R3HDM4: variants seen among roughly 807,000 people sequenced by gnomAD.
R3HDM4 encodes the protein R3H domain containing 4.
R3HDM4 carries 30 observed loss-of-function variants against 31.3 expected under a neutral mutation model. That is an observed-to-expected ratio of 0.96 (90% confidence interval 0.72 to 1.30). R3HDM4 has a LOEUF of 1.30. Ranked by LOEUF, R3HDM4 falls within the 50% of genes most tolerant of loss-of-function variation. The probability of loss-of-function intolerance (pLI) is 0.00; values close to 1 mark genes in which losing one functional copy is unlikely to be tolerated. For synonymous variants in R3HDM4, 196 were observed against 156.6 expected, an observed-to-expected ratio of 1.25 and a Z score of -1.88; for missense variants, 444 against 366.1, an observed-to-expected ratio of 1.21 and a Z score of -1.74.
Position 913,120 on chromosome 19 carries a change from G to A in R3HDM4, c.38C>T (p.Ala13Val). The A allele has an allele frequency of 9.3e-7, 1 of 1,081,026 alleles. No homozygotes were observed. The highest frequency in any genetic ancestry group is 1.1e-6 in the Non-Finnish European group (1 of 892,088). The allele number at this position is 1,081,026 out of a possible 1,614,324, so 67.0% of individuals were successfully genotyped here. A position where few individuals can be genotyped will look rare whatever the true frequency, so the allele number is the denominator to read the frequency against. Residue 13 changes from alanine (A) to valine (V), a missense_variant, in exon 1 of 8, where the codon GCG becomes GTG. Ala to Val is a moderately conservative substitution (Grantham distance 64). Transcript: ENST00000361574. The surrounding 1 kb of genome is among the most constrained non-coding windows in gnomAD (Gnocchi z 5.0). Reference protein sequence around the residue: ...ALENPECGPEAAEGTPGGRRL... With the variant: ...ALENPECGPEVAEGTPGGRRL... ...CCGCCCGCCCGGGGTGCCCTCCGCC[G>A]CCTCCGGGCCGCACTCGGGGTTCTC...
At position 897,296 on chromosome 19, in the gene R3HDM4, G is replaced by A. The variant is rs2036751269; in HGVS notation, c.*141C>T. On this transcript the variant is annotated 3_prime_UTR_variant, in exon 8 of 8. Transcript: ENST00000361574. ...TTGACTGCCAAGAGCTGCGTGAGGAGGGGGCAGAGTGAGAGAGACCACCCC... is the reference window on the plus strand; with the variant it reads ...TTGACTGCCAAGAGCTGCGTGAGGAAGGGGCAGAGTGAGAGAGACCACCCC... The A allele has an allele frequency of 3.2e-6, 2 of 617,886 alleles. No individual in the cohort carries two copies. Among genetic ancestry groups the A allele is most frequent in the South Asian group, 2.1e-5 (1 of 47,898 alleles). 38.3% of individuals were successfully genotyped at this position (617,886 alleles called of 1,614,324 possible).
chr19:899,317 A>G lies in R3HDM4; in HGVS notation c.703+123T>C, dbSNP rs1456321228. On this transcript the variant is annotated intron_variant, in intron 7 of 7. Transcript: ENST00000361574. This position sits in a 1 kb window ranked among gnomAD's most constrained non-coding sequence, Gnocchi z 6.8. ...CCACCCCTGAGTTCGTAGCGTCCCC[A>G]CTCCAGCCCCCTTCCCCACCTCCCC... 1.0e-6 allele frequency: 1 copy of G among 989,886 alleles called. No homozygotes were observed. Among genetic ancestry groups the G allele is most frequent in the Non-Finnish European group, 1.6e-6 (1 of 644,156 alleles). 61.3% of individuals were successfully genotyped at this position (989,886 alleles called of 1,614,324 possible).
chr19:901,116 A>T, intron 3 of R3HDM4, 164 bp from the exon 4 acceptor site: 1 of 937,432 alleles, frequency 1.1e-6, no homozygotes, highest in Non-Finnish European at 1.5e-6. Context: ...AGCTGAGCGC[A>T]GGGAAGCGGG....
intron 7 of R3HDM4, 42 bp from the exon 8 acceptor site, chr19:897,582 G>C: frequency 6.6e-7 from 1 of 1,514,342 alleles, no homozygotes; most frequent in Non-Finnish European, 9.0e-7. Flanking sequence ...AGGAATTTGG[G>C]AGCCGCGGCA....
rs962823127 is a variant in R3HDM4 at position 911,343 on chromosome 19, C to G, written c.71+1744G>C. 2.6e-5 allele frequency among the ~76,000 whole-genome samples: 4 copies of G among 152,156 alleles called. No individual in the cohort carries two copies. In the East Asian group the frequency reaches 7.7e-4, roughly 29 times the overall value. On this transcript the variant is annotated intron_variant, in intron 1 of 7. Transcript: ENST00000361574. Reference sequence around the variant, plus strand: ...CCTGTAATCCCAGGTACTGGGGAGGCTGCCGCAGGAGAATCGCTTGAACCC... The same window carrying G: ...CCTGTAATCCCAGGTACTGGGGAGGGTGCCGCAGGAGAATCGCTTGAACCC...
chr19:899,710 A>AGGGAACTGC lies in R3HDM4; in HGVS notation c.562-33_562-25dup. 6.5e-7 allele frequency: 1 copy of AGGGAACTGC among 1,534,982 alleles called. No homozygotes were observed. Among genetic ancestry groups the AGGGAACTGC allele is most frequent in the Non-Finnish European group, 8.8e-7 (1 of 1,140,082 alleles). Reference sequence around the variant, plus strand: ...TCCTGGGGAGAGCGGCCCGGTGGTCAGGGAACTGCGGGACCTGTGGGTGGG... The same window carrying AGGGAACTGC: ...TCCTGGGGAGAGCGGCCCGGTGGTCAGGGAACTGCGGGAACTGCGGGACCTGTGGGTGGG... On this transcript the variant is annotated intron_variant, in intron 5 of 7. Coordinates refer to ENST00000361574, the MANE Select transcript of R3HDM4 (RefSeq NM_138774.4). The surrounding 1 kb of genome is among the most constrained non-coding windows in gnomAD (Gnocchi z 6.8).
At chr19:910,894 C>T (rs753902666) in intron 1 of R3HDM4, among the ~76,000 whole-genome samples, 10 of 151,782 alleles carry the variant, frequency 6.6e-5, no homozygotes, top group Non-Finnish European at 1.0e-4. Context: ...CCAAGGCGGG[C>T]AGATCACAAG....
At chr19:910,845 C>T (rs943657136) in intron 1 of R3HDM4, among the ~76,000 whole-genome samples, 5 of 151,954 alleles carry the variant, frequency 3.3e-5, no homozygotes, top group East Asian at 1.9e-4. Context: ...TACTAGCCGG[C>T]GCGGTGGCTC....
intron 5 of R3HDM4, 43 bp downstream of exon 5, chr19:900,018 A>AT (rs753805069): frequency 3.8e-6 from 6 of 1,581,312 alleles, no homozygotes; most frequent in Non-Finnish European, 4.3e-6. Flanking sequence ...TTCAAAAAAG[A>AT]CCAGGCAGGT....
chr19:898,871 A>T (rs1448105534), intron 7 of R3HDM4, among the ~76,000 whole-genome samples: 1 of 152,126 alleles, frequency 6.6e-6, no homozygotes, highest in Admixed American at 6.5e-5. Context: ...GTTGCCATGG[A>T]AACTGTCACC....
chr19:899,486 C>A lies in R3HDM4; in HGVS notation c.657G>T (p.Arg219Ser). 1 of 1,613,750 alleles carries A rather than the reference C, an allele frequency of 6.2e-7. No homozygotes were observed. Among genetic ancestry groups the A allele is most frequent in the South Asian group, 1.1e-5 (1 of 91,088 alleles). Residue 219 changes from arginine (R) to serine (S), a missense_variant, in exon 7 of 8, where the codon AGG (arginine) becomes AGT (serine). By Grantham distance (110) the Arg-to-Ser change is moderately radical. Transcript: ENST00000361574. This position sits in a 1 kb window ranked among gnomAD's most constrained non-coding sequence, Gnocchi z 6.8. ...YTAMLDNSFE[R>S]LLLHAVCQYM... is the part of the protein sequence containing the mutation. Reference sequence around the variant, plus strand: ...ACTGGCAGACAGCGTGCAGCAGAAGCCTCTCGAAGCTGTGGGGAACGGGCA... The same window carrying A: ...ACTGGCAGACAGCGTGCAGCAGAAGACTCTCGAAGCTGTGGGGAACGGGCA...
In R3HDM4 at chr19:900,837, C is replaced by G. The variant is rs975226454; in HGVS notation, c.467G>C (p.Arg156Pro). ...CCCAGCCAGGCCCGCACCTCTCCTC[C>G]GGTCCTCCCCACGGCCAGGGCCCCT... ...RRRGPGRGED[R>P]RREDPAYTPR... Residue 156 changes from arginine to proline, a missense_variant, in exon 4 of 8, where the codon CGG becomes CCG. Physicochemically the swap from Arg to Pro is moderately radical, Grantham distance 103. Coordinates refer to ENST00000361574, the MANE Select transcript of R3HDM4 (RefSeq NM_138774.4). The G allele has an allele frequency of 3.2e-6, 5 of 1,541,680 alleles. No individual in the cohort carries two copies. In the South Asian group the frequency reaches 4.8e-5, roughly 15 times the overall value.
At chr19:903,734 GACA>G (rs1339642760) in intron 1 of R3HDM4, among the ~76,000 whole-genome samples, 1 of 152,158 alleles carries the variant, frequency 6.6e-6, no homozygotes, top group East Asian at 1.9e-4. Flanking sequence ...CTCCAGCCTG[GACA>G]ACAAGAGCAA....
Position 899,306 on chromosome 19 carries a change from G to C in R3HDM4, c.703+134C>G. The stretch of plus-strand genomic sequence containing the variant: ...GGGTCCCACTGCCACCCCTGAGTTC[G>C]TAGCGTCCCCACTCCAGCCCCCTTC... On this transcript the variant is annotated intron_variant, in intron 7 of 7. Transcript: ENST00000361574. This position sits in a 1 kb window ranked among gnomAD's most constrained non-coding sequence, Gnocchi z 6.8. The C allele has an allele frequency of 1.1e-6, 1 of 882,720 alleles. No homozygotes were observed. Among genetic ancestry groups the C allele is most frequent in the Non-Finnish European group, 1.8e-6 (1 of 555,490 alleles). The allele number at this position is 882,720 out of a possible 1,614,324, so 54.7% of individuals were successfully genotyped here. A position where few individuals can be genotyped will look rare whatever the true frequency, so the allele number is the denominator to read the frequency against.
rs765037822 is a variant in R3HDM4 at position 901,959 on chromosome 19, T to TC, written c.226+16dup. ...GGCCCAGGAGCCCCCAGGAGGCGCC[T>TC]CCCGACCCCTGCTCACTGTTCTCCA... On this transcript the variant is annotated intron_variant, in intron 2 of 7. Coordinates refer to ENST00000361574, the MANE Select transcript of R3HDM4 (RefSeq NM_138774.4). 1 of 1,613,004 alleles carries TC rather than the reference T, an allele frequency of 6.2e-7. No homozygotes were observed. The highest frequency in any genetic ancestry group is 8.5e-7 in the Non-Finnish European group (1 of 1,179,924).
chr19:905,518 A>AAAC (rs1555721703), intron 1 of R3HDM4, among the ~76,000 whole-genome samples: 1 of 148,226 alleles, frequency 6.7e-6, no homozygotes, highest in African/African-American at 2.5e-5. Flanking sequence ...AAAAAAAAAA[A>AAAC]AAAACAAAAC....
chr19:906,727 T>C (rs2036909879), intron 1 of R3HDM4, among the ~76,000 whole-genome samples: 3 of 152,196 alleles, frequency 2.0e-5, no homozygotes, highest in Non-Finnish European at 2.9e-5. Flanking sequence ...TTTCCCCACA[T>C]TGGGCTCATT....
intron 1 of R3HDM4, among the ~76,000 whole-genome samples, chr19:910,772 A>G (rs1016114887): frequency 6.6e-6 from 1 of 152,130 alleles, no homozygotes; most frequent in Admixed American, 6.6e-5. Flanking sequence ...CTGAGTGGAG[A>G]TAATAGTGAT....
chr19:901,276 G>A (rs532837472), intron 3 of R3HDM4, 146 bp downstream of exon 3: 1,331 of 913,352 alleles, frequency 1.5e-3, no homozygotes, highest in Non-Finnish European at 2.0e-3. Flanking sequence ...CTGGTCTGGG[G>A]ACCCCGAAGG....
Sources: allele counts gnomAD v4.1 joint callset (sites outside exome capture counted in the v4.1 genomes callset), GRCh38; gene constraint gnomAD v4.1.1; non-coding constraint Gnocchi (gnomAD v3.1); transcripts MANE v1.5; gene names NCBI Gene and HGNC (gene_info 2026-07-23, HGNC 2026-07-21).